The following ANKRD26 variants were observed in gnomAD, a reference collection of about 807,000 sequenced individuals.
ANKRD26 encodes ankyrin repeat domain 26.
Under a neutral mutation model 208.7 loss-of-function variants are expected in ANKRD26, and 141 were observed. The ratio of observed to expected loss-of-function variants is 0.68; its 90% CI spans 0.59 to 0.78. ANKRD26 has a LOEUF of 0.78. Among genes scored for constraint, ANKRD26 ranks in the 30% least tolerant of loss-of-function variants. The probability of loss-of-function intolerance (pLI) is 0.00; values close to 1 mark genes in which losing one functional copy is unlikely to be tolerated. For synonymous variants in ANKRD26, 636 were observed against 660.4 expected (o/e 0.96, Z 0.57); for missense variants, 1,889 against 1,938.7 (o/e 0.97, Z 0.48).
At chr10:27,045,483 G>C (rs1278707522) in intron 18 of ANKRD26, among the ~76,000 whole-genome samples, 1 of 151,306 alleles carries the variant, frequency 6.6e-6, no homozygotes, top group African/African-American at 2.4e-5. Flanking sequence ...ATTAGCATAA[G>C]GCAACATGGT....
intron 25 of ANKRD26, among the ~76,000 whole-genome samples, chr10:27,032,742 G>C (rs1469795339): frequency 1.3e-5 from 2 of 152,014 alleles, no homozygotes; most frequent in Non-Finnish European, 1.5e-5. Context: ...TTGAACCGGG[G>C]AGGTGAAGGT....
chr10:26,958,732 T>C, the ANKRD26 span, among the ~76,000 whole-genome samples: 1 of 151,278 alleles, frequency 6.6e-6, no homozygotes, highest in Non-Finnish European at 1.5e-5. Flanking sequence ...TTCAGTTGAT[T>C]CCATGACTCT....
At chr10:27,060,450 A>G (rs755348668) in intron 14 of ANKRD26, 33 bp from the exon 15 acceptor site, 3 of 1,574,298 alleles carry the variant, frequency 1.9e-6, no homozygotes, top group East Asian at 4.5e-5. Flanking sequence ...TGATTAATAA[A>G]TAATGTATAC....
chr10:27,060,067 A>G (rs2054995126), intron 15 of ANKRD26, among the ~76,000 whole-genome samples: 2 of 151,468 alleles, frequency 1.3e-5, no homozygotes, highest in South Asian at 4.2e-4. Context: ...AGGCGTAGTG[A>G]TGCACACCTG....
chr10:26,980,129 G>T (rs1307971145), intron 5 of ANKRD26, among the ~76,000 whole-genome samples: 3 of 152,162 alleles, frequency 2.0e-5, no homozygotes, highest in African/African-American at 7.2e-5. Context: ...CCATAATATT[G>T]TCTCAAAGTT....
At chr10:26,988,515 T>C (rs761072863), downstream of ANKRD26, among the ~76,000 whole-genome samples, 4 of 152,152 alleles carry the variant, frequency 2.6e-5, no homozygotes, top group Non-Finnish European at 5.9e-5. Context: ...TTCAGAAAAA[T>C]AAGTGGGACT....
intron 1 of ANKRD26, among the ~76,000 whole-genome samples, chr10:27,096,765 C>CAAAAAAAAAAAAAAAAAA (rs1177909846): frequency 1.4e-5 from 1 of 73,162 alleles, no homozygotes; most frequent in Non-Finnish European, 3.2e-5. Flanking sequence ...GACTCCATCT[C>CAAAAAAAAAAAAAAAAAA]AAAAAAAAAA....
At chr10:27,003,180 T>C (rs1564344588), downstream of ANKRD26, among the ~76,000 whole-genome samples, 2 of 152,122 alleles carry the variant, frequency 1.3e-5, no homozygotes, top group Admixed American at 6.6e-5. Context: ...GGGAGCCAGG[T>C]TGCTGTCAGA....
At chr10:27,015,962 G>A (rs565039323) in intron 30 of ANKRD26, among the ~76,000 whole-genome samples, 1 of 152,188 alleles carries the variant, frequency 6.6e-6, no homozygotes, top group African/African-American at 2.4e-5. Flanking sequence ...ACCCATGTGG[G>A]TAAGAGAGGA....
chr10:27,060,670 G>A, intron 13 of ANKRD26, 130 bp from the exon 14 acceptor site: 2 of 776,224 alleles, frequency 2.6e-6, no homozygotes, highest in East Asian at 2.7e-5. Context: ...TTTTTGGGAT[G>A]TTTTTTATTT....
chr10:27,087,426 C>G (rs2056159290), intron 4 of ANKRD26, among the ~76,000 whole-genome samples: 1 of 152,192 alleles, frequency 6.6e-6, no homozygotes, highest in South Asian at 2.1e-4. Context: ...CCAAATAAAA[C>G]CCAATTAAAT....
At chr10:27,067,760 T>C (rs1472475459) in intron 9 of ANKRD26, among the ~76,000 whole-genome samples, 1 of 152,140 alleles carries the variant, frequency 6.6e-6, no homozygotes, top group African/African-American at 2.4e-5. Context: ...AGGTCCCACC[T>C]CCAACACTGG....
At chr10:27,062,186 C>T in intron 12 of ANKRD26, 8 of 983,008 alleles carry the variant, frequency 8.1e-6, no homozygotes, top group Non-Finnish European at 9.7e-6. Flanking sequence ...ACATTCTCAG[C>T]ACTTCTTTCC....
At position 27,012,882 on chromosome 10, in the gene ANKRD26, C is replaced by T. The variant is rs780083874; in HGVS notation, c.4953G>A (p.Lys1651=). The T allele has an allele frequency of 4.3e-6, 7 of 1,612,126 alleles. No individual in the cohort carries two copies. In the African/African-American group the frequency reaches 9.3e-5, roughly 22 times the overall value. Residue 1651 remains lysine (K), a splice_region_variant and synonymous_variant, in exon 32 of 34, where the codon AAG becomes AAA. Transcript: ENST00000376087. The part of the protein sequence containing the change: ...SNNSMENYLS[K]MQQELEKNIT... ...AAGGAAAAAAGACAACATAACTAAC[C>T]TTGCTCAAGTAGTTCTCCATGCTAT...
rs10829178 is a variant in ANKRD26 at position 27,093,875 on chromosome 10, C to T, written c.243-76G>A. ...ATACAATGGTTCATAAAATTATAAA[C>T]ATTAAATAGCATGTTGATATGGTTT... On this transcript the variant is annotated intron_variant, in intron 1 of 33. Transcript: ENST00000376087. 91,648 of 1,151,286 alleles carry T rather than the reference C, an allele frequency of 0.08. 6,385 individuals are homozygous for T. The highest frequency in any genetic ancestry group is 0.3 in the East Asian group (12,363 of 41,656). The allele number at this position is 1,151,286 out of a possible 1,614,324, so 71.3% of individuals were successfully genotyped here.
In ANKRD26 at chr10:27,033,394, T is replaced by C; in HGVS notation, c.3655-17A>G. 6.2e-7 allele frequency: 1 copy of C among 1,604,972 alleles called. No homozygotes were observed. The highest frequency in any genetic ancestry group is 8.5e-7 in the Non-Finnish European group (1 of 1,174,652). On this transcript the variant is annotated splice_polypyrimidine_tract_variant and intron_variant, in intron 24 of 33. Transcript: ENST00000376087. ...CACAACAACCTGATAAGACATTTTG[T>C]TACTGATTTTATAAATCACCTTATT...
At chr10:27,025,419 C>G (rs2053628683) in intron 27 of ANKRD26, among the ~76,000 whole-genome samples, 1 of 152,156 alleles carries the variant, frequency 6.6e-6, no homozygotes, top group African/African-American at 2.4e-5. Flanking sequence ...ATTCTCCTGC[C>G]TCAGCCTCCT....
At chr10:27,008,224 T>C (rs2052961396) in intron 32 of ANKRD26, among the ~76,000 whole-genome samples, 3 of 151,998 alleles carry the variant, frequency 2.0e-5, no homozygotes, top group Admixed American at 6.5e-5. Flanking sequence ...TAATATGATA[T>C]CCAATGCCTT....
the ANKRD26 span, among the ~76,000 whole-genome samples, chr10:26,958,089 A>ATATATATATT: frequency 2.7e-5 from 4 of 149,926 alleles, no homozygotes; most frequent in African/African-American, 9.8e-5. Flanking sequence ...ATATATATAT[A>ATATATATATT]TATTTATTTT....
Sources: gnomAD v4.1 joint callset for allele counts (sites outside exome capture counted in the v4.1 genomes callset) on GRCh38, gnomAD v4.1.1 for gene constraint, MANE v1.5 for transcripts, NCBI Gene and HGNC (gene_info 2026-07-23, HGNC 2026-07-21) for gene names.